ABLIM1: variants seen among roughly 807,000 people sequenced by gnomAD.
ABLIM1 encodes the protein actin binding LIM protein 1.
A neutral mutation model predicts 107.0 loss-of-function variants in ABLIM1; 40 were observed. The ratio of observed to expected loss-of-function variants is 0.37; its 90% CI spans 0.29 to 0.49. ABLIM1 has a LOEUF of 0.49. Ranked by LOEUF, ABLIM1 falls within the 20% of genes least tolerant of loss-of-function variation. The pLI, the probability that ABLIM1 is intolerant of heterozygous loss-of-function variation, is 0.97. For missense variants in ABLIM1, 857 were observed against 1,008.5 expected, an observed-to-expected ratio of 0.85 and a Z score of 2.04; for synonymous variants, 357 against 357.3, an observed-to-expected ratio of 1.00 and a Z score of 0.01.
intron 1 of ABLIM1, among the ~76,000 whole-genome samples, chr10:114,635,117 A>G (rs2078413119): frequency 6.6e-6 from 1 of 152,256 alleles, no homozygotes; most frequent in Non-Finnish European, 1.5e-5. Flanking sequence ...CTCAGATGAC[A>G]TAAGTCTTCA....
At chr10:114,793,300 A>C in the ABLIM1 span, among the ~76,000 whole-genome samples, 1 of 152,066 alleles carries the variant, frequency 6.6e-6, no homozygotes, top group Admixed American at 6.6e-5. Flanking sequence ...GTGAATCCTC[A>C]TGAGATCTGG....
chr10:114,438,580 G>T (rs1157185908), intron 21 of ABLIM1, among the ~76,000 whole-genome samples: 6 of 152,190 alleles, frequency 3.9e-5, no homozygotes, highest in Non-Finnish European at 8.8e-5. Flanking sequence ...CCTTTTATAG[G>T]ATGCTGTTAT....
At chr10:114,659,805 T>A (rs189770583), upstream of ABLIM1, among the ~76,000 whole-genome samples, 1 of 152,250 alleles carries the variant, frequency 6.6e-6, no homozygotes, top group East Asian at 1.9e-4. Flanking sequence ...AGATGTGACT[T>A]TCTCAGGACA....
intron 1 of ABLIM1, among the ~76,000 whole-genome samples, chr10:114,761,385 A>C (rs950784575): frequency 6.6e-6 from 1 of 152,160 alleles, no homozygotes; most frequent in African/African-American, 2.4e-5. Context: ...TCGAGGAAGC[A>C]GATGGCAGCC....
At chr10:114,700,573 T>C (rs2081288490) in intron 1 of ABLIM1, among the ~76,000 whole-genome samples, 1 of 151,878 alleles carries the variant, frequency 6.6e-6, no homozygotes, top group African/African-American at 2.4e-5. Context: ...TGATGTAGTA[T>C]TGCCATAATG....
At chr10:114,729,721 T>C (rs2082034293) in intron 1 of ABLIM1, among the ~76,000 whole-genome samples, 1 of 152,144 alleles carries the variant, frequency 6.6e-6, no homozygotes, top group Non-Finnish European at 1.5e-5. Flanking sequence ...TGAAGTTTGC[T>C]AGGCAAAACT....
chr10:114,650,125 G>A (rs962286550), intron 1 of ABLIM1, among the ~76,000 whole-genome samples: 1 of 152,150 alleles, frequency 6.6e-6, no homozygotes, highest in Admixed American at 6.5e-5. Context: ...AAAGTGCTGG[G>A]ATTACAGGCG....
chr10:114,659,614 C>G (rs1376854406), upstream of ABLIM1, among the ~76,000 whole-genome samples: 1 of 152,098 alleles, frequency 6.6e-6, no homozygotes, highest in East Asian at 1.9e-4. Flanking sequence ...TTTTTTTATA[C>G]TTTAAGTTCT....
chr10:114,532,720 G>A (rs950919610), intron 6 of ABLIM1, among the ~76,000 whole-genome samples: 3 of 152,176 alleles, frequency 2.0e-5, no homozygotes, highest in Non-Finnish European at 4.4e-5. Context: ...GAGGCCAAGC[G>A]TGTGGAATCA....
At position 114,441,039 on chromosome 10, in the gene ABLIM1, C is replaced by T. The variant is rs2060123350; in HGVS notation, c.2037G>A (p.Gly679=). 1 of 1,590,932 alleles carries T rather than the reference C, an allele frequency of 6.3e-7. No homozygotes were observed. The highest frequency in any genetic ancestry group is 8.6e-7 in the Non-Finnish European group (1 of 1,167,554). ...CACCTCGCACTCCCCCGCTGACATCCCCATAGCTGTTATACTGAGCGAAGT... is the reference window on the plus strand; with the variant it reads ...CACCTCGCACTCCCCCGCTGACATCTCCATAGCTGTTATACTGAGCGAAGT... ...STDFAQYNSY[G]DVSGGVRDYQ... Residue 679 remains glycine, a synonymous_variant, in exon 19 of 23, where the codon GGG becomes GGA. Transcript: ENST00000533213.
At chr10:114,543,789 T>C (rs1320786994) in intron 6 of ABLIM1, among the ~76,000 whole-genome samples, 1 of 152,206 alleles carries the variant, frequency 6.6e-6, no homozygotes, top group African/African-American at 2.4e-5. Flanking sequence ...AACTGACGTT[T>C]CTTATGTATC....
intron 1 of ABLIM1, among the ~76,000 whole-genome samples, chr10:114,622,309 C>T (rs1292717171): frequency 2.0e-5 from 3 of 148,552 alleles, no homozygotes; most frequent in South Asian, 2.1e-4. Context: ...TGCAATGGCA[C>T]GTTCATGGCT....
At chr10:114,503,996 T>C (rs1273098706) in intron 6 of ABLIM1, among the ~76,000 whole-genome samples, 2 of 152,194 alleles carry the variant, frequency 1.3e-5, no homozygotes, top group East Asian at 1.9e-4. Context: ...CAAGCAAGGG[T>C]TGACATTGCA....
chr10:114,571,264 G>A (rs1242392372), intron 4 of ABLIM1, 33 bp downstream of exon 4: 3 of 1,592,536 alleles, frequency 1.9e-6, no homozygotes, highest in Non-Finnish European at 2.6e-6. Flanking sequence ...GACTACATAG[G>A]TATTCACGTC....
chr10:114,589,188 CGT>C (rs144319635), intron 2 of ABLIM1, among the ~76,000 whole-genome samples: 1 of 146,492 alleles, frequency 6.8e-6, no homozygotes, highest in Non-Finnish European at 1.5e-5. Flanking sequence ...CTGTACGATG[CGT>C]GTGTGTGTCT....
At chr10:114,606,827 G>A (rs781223253) in intron 1 of ABLIM1, among the ~76,000 whole-genome samples, 8 of 152,314 alleles carry the variant, frequency 5.3e-5, no homozygotes, top group East Asian at 1.9e-4. Context: ...CCAAGGTGGC[G>A]CAGCCAAGAA....
At chr10:114,630,955 T>C (rs1449275254) in intron 1 of ABLIM1, among the ~76,000 whole-genome samples, 1 of 152,206 alleles carries the variant, frequency 6.6e-6, no homozygotes, top group Non-Finnish European at 1.5e-5. Context: ...TATATTCATA[T>C]GTGTCTGTCT....
At chr10:114,794,788 A>G in the ABLIM1 span, among the ~76,000 whole-genome samples, 1 of 152,104 alleles carries the variant, frequency 6.6e-6, no homozygotes, top group Non-Finnish European at 1.5e-5. Context: ...TCTTTCTTTG[A>G]CTCTCAGGAG....
intron 1 of ABLIM1, among the ~76,000 whole-genome samples, chr10:114,667,038 G>A (rs2080055055): frequency 6.6e-6 from 1 of 152,076 alleles, no homozygotes; most frequent in South Asian, 2.1e-4. Context: ...CCACCCTCCA[G>A]CAAAACAGAA....
Sources: allele counts gnomAD v4.1 joint callset (sites outside exome capture counted in the v4.1 genomes callset), GRCh38; gene constraint gnomAD v4.1.1; transcripts MANE v1.5; gene names NCBI Gene and HGNC (gene_info 2026-07-23, HGNC 2026-07-21).